Variants in OR51B5 observed in about 807,000 individuals in gnomAD.
OR51B5 encodes the protein olfactory receptor family 51 subfamily B member 5.
For missense variants in OR51B5, 456 were observed against 374.6 expected (o/e 1.22, Z -1.79); for synonymous variants, 186 against 144.8 (o/e 1.28, Z -2.04).
chr11:5,469,256 C>G (rs759824576), intron 1 of OR51B5: 21 of 157,220 alleles, frequency 1.3e-4, no homozygotes, highest in Admixed American at 2.5e-4. Context: ...CTGGTGCAAG[C>G]TCTGCTCTTC....
chr11:5,502,481 T>C (rs1846308539), intron 1 of OR51B5, among the ~76,000 whole-genome samples: 1 of 152,234 alleles, frequency 6.6e-6, no homozygotes, highest in African/African-American at 2.4e-5. Flanking sequence ...GTATAAATAC[T>C]TCCTCCACAG....
intron 1 of OR51B5, chr11:5,389,729 A>G (rs1375906078): frequency 1.9e-6 from 3 of 1,613,920 alleles, no homozygotes; most frequent in Non-Finnish European, 2.5e-6. Context: ...AGCGTGTCAA[A>G]TCCAGATGTT....
At chr11:5,372,986 T>C (rs1055859119) in intron 1 of OR51B5, among the ~76,000 whole-genome samples, 3 of 152,068 alleles carry the variant, frequency 2.0e-5, no homozygotes, top group East Asian at 1.9e-4. Flanking sequence ...ATAGACCAAA[T>C]TGAACAGAAT....
intron 1 of OR51B5, among the ~76,000 whole-genome samples, chr11:5,409,468 C>T (rs1009935824): frequency 4.6e-5 from 7 of 151,068 alleles, no homozygotes; most frequent in African/African-American, 1.2e-4. Context: ...ACCAAAGAAT[C>T]GGAAAATATT....
chr11:5,366,675 AAGAAG>A (rs1564923451), intron 1 of OR51B5, among the ~76,000 whole-genome samples: 2 of 151,366 alleles, frequency 1.3e-5, no homozygotes, highest in African/African-American at 2.4e-5. Context: ...GGAAGAGAAG[AAGAAG>A]AAGAAGGAGA....
chr11:5,440,965 G>A (rs200872309), intron 1 of OR51B5: 2 of 1,613,842 alleles, frequency 1.2e-6, no homozygotes, highest in African/African-American at 2.7e-5. Flanking sequence ...ATGAGATCTG[G>A]ATGGAGACAG....
intron 1 of OR51B5, among the ~76,000 whole-genome samples, chr11:5,474,475 C>A (rs980231547): frequency 7.3e-6 from 1 of 136,274 alleles, no homozygotes; most frequent in Admixed American, 8.0e-5. Flanking sequence ...TGTTTTTTAA[C>A]AAATTAATAA....
In OR51B5 at chr11:5,363,237, TCACACACA is replaced by T. The variant is rs3219794; in HGVS notation, n.85-16335_85-16328del. Among the ~76,000 whole-genome samples, 829 of 143,102 alleles carry T rather than the reference TCACACACA, an allele frequency of 5.8e-3. 17 individuals are homozygous for T. Among genetic ancestry groups the T allele is most frequent in the South Asian group, 0.033 (140 of 4,294 alleles). The allele number at this position is 143,102 out of a possible 152,430, so 93.9% of individuals were successfully genotyped here. A position where few individuals can be genotyped will look rare whatever the true frequency, so the allele number is the denominator to read the frequency against. ...GTTTCCCCACAACGAACCCAACCCC[TCACACACA>T]CACACACACACACACACACACACAC... On this transcript the variant is annotated intron_variant and non_coding_transcript_variant, in intron 1 of 4. Transcript: ENST00000415970.
chr11:5,441,022 C>A, intron 1 of OR51B5: 1 of 1,613,940 alleles, frequency 6.2e-7, no homozygotes, highest in South Asian at 1.1e-5. Context: ...AGTCGTTTCA[C>A]CACAAAAGGG....
chr11:5,394,461 A>C lies in OR51B5; in HGVS notation n.85-47551T>G, dbSNP rs540143868. 1.1e-4 allele frequency among the ~76,000 whole-genome samples: 17 copies of C among 152,322 alleles called. No individual in the cohort carries two copies. The South Asian group carries it at 2.1e-3, about 19-fold the overall frequency. ...CTAATGACAGTATCTGCTTTAAATC[A>C]TCTGGCCCATTCCTCAGCACAAGCC... On this transcript the variant is annotated intron_variant and non_coding_transcript_variant, in intron 1 of 4. Transcript: ENST00000415970.
chr11:5,374,763 C>T (rs1056081609), intron 1 of OR51B5, among the ~76,000 whole-genome samples: 24 of 151,772 alleles, frequency 1.6e-4, no homozygotes, highest in Non-Finnish European at 2.8e-4. Context: ...TGAAATGAAG[C>T]GAGAAGGGAA....
At chr11:5,363,233 C>T (rs376404043) in intron 1 of OR51B5, among the ~76,000 whole-genome samples, 15,529 of 82,576 alleles carry the variant, frequency 0.19, 1,078 homozygotes, top group South Asian at 0.23. Flanking sequence ...ACGAACCCAA[C>T]CCCTCACACA....
intron 1 of OR51B5, among the ~76,000 whole-genome samples, chr11:5,498,034 T>C (rs1247579469): frequency 2.0e-5 from 3 of 152,202 alleles, no homozygotes; most frequent in African/African-American, 7.2e-5. Flanking sequence ...CACTCCCACC[T>C]GCCCATTATG....
At chr11:5,396,547 G>T (rs144289535) in intron 1 of OR51B5, among the ~76,000 whole-genome samples, 2 of 14,596 alleles carry the variant, frequency 1.4e-4, no homozygotes, top group Non-Finnish European at 3.9e-4. Flanking sequence ...CACTGCTCAA[G>T]GAAATAAGAT....
At chr11:5,451,734 A>G (rs1460590504) in intron 1 of OR51B5, among the ~76,000 whole-genome samples, 1 of 152,128 alleles carries the variant, frequency 6.6e-6, no homozygotes, top group Non-Finnish European at 1.5e-5. Flanking sequence ...GAACTCTGAG[A>G]GCATGGTCCG....
chr11:5,488,743 G>T, intron 1 of OR51B5: 1 of 1,613,840 alleles, frequency 6.2e-7, no homozygotes, highest in Non-Finnish European at 8.5e-7. Flanking sequence ...CCATCTTCCA[G>T]ACACCTTCTT....
At chr11:5,414,959 C>A (rs928120479) in intron 1 of OR51B5, among the ~76,000 whole-genome samples, 1 of 152,170 alleles carries the variant, frequency 6.6e-6, no homozygotes, top group Non-Finnish European at 1.5e-5. Context: ...CACCCCAAAT[C>A]AACAGAATAT....
chr11:5,358,146 C>T (rs1321565169), intron 1 of OR51B5, among the ~76,000 whole-genome samples: 1 of 151,786 alleles, frequency 6.6e-6, no homozygotes, highest in African/African-American at 2.4e-5. Flanking sequence ...AAAATCAGAG[C>T]AGAACTGAAG....
intron 1 of OR51B5, chr11:5,441,171 C>T (rs1297109512): frequency 6.2e-7 from 1 of 1,613,932 alleles, no homozygotes; most frequent in Non-Finnish European, 8.5e-7. Flanking sequence ...CAGCAGTATG[C>T]CTGACTCCAT....
Sources: allele counts gnomAD v4.1 joint callset (sites outside exome capture counted in the v4.1 genomes callset), GRCh38; gene constraint gnomAD v4.1.1; transcripts MANE v1.5; gene names NCBI Gene and HGNC (gene_info 2026-07-23, HGNC 2026-07-21).